The following PRKCB variants were observed in gnomAD, a reference collection of about 807,000 sequenced individuals.
PRKCB encodes protein kinase C beta type.
PRKCB carries 13 observed loss-of-function variants against 81.5 expected under a neutral mutation model. The observed-to-expected ratio is 0.16, with a 90% CI of 0.10 to 0.25. The LOEUF is 0.25. PRKCB is among the 10% of genes least tolerant of loss of function. The probability of loss-of-function intolerance (pLI) is 1.00; values close to 1 mark genes in which losing one functional copy is unlikely to be tolerated. For synonymous variants in PRKCB, 335 were observed against 321.4 expected (o/e 1.04, Z -0.45); for missense variants, 509 against 875.7 (o/e 0.58, Z 5.29).
intron 16 of PRKCB, among the ~76,000 whole-genome samples, chr16:24,207,440 G>A (rs1186232105): frequency 1.3e-5 from 2 of 152,036 alleles, no homozygotes; most frequent in South Asian, 2.1e-4. Context: ...GTAATTCTTC[G>A]AATCTCCATA....
At chr16:24,184,980 A>G (rs1324834528) in intron 13 of PRKCB, 131 bp from the exon 14 acceptor site, 1 of 779,786 alleles carries the variant, frequency 1.3e-6, no homozygotes, top group Non-Finnish European at 2.2e-6. Flanking sequence ...CATGTCTGTC[A>G]TTCCCTGAAT....
In PRKCB at chr16:23,847,430, G is replaced by A. The variant is rs62030646; in HGVS notation, c.205+10024G>A. Among the ~76,000 whole-genome samples the A allele has an allele frequency of 1.8e-4, 23 of 128,946 alleles. No homozygotes were observed. The South Asian group carries it at 3.0e-3, about 17-fold the overall frequency. 84.6% of individuals were successfully genotyped at this position (128,946 alleles called of 152,430 possible). The stretch of plus-strand genomic sequence containing the variant: ...CACCTATCCACCAATACATCCATCC[G>A]TCTGTCCATCCATCCATCCATCCAT... On this transcript the variant is annotated intron_variant, in intron 2 of 16. Coordinates refer to ENST00000643927, the MANE Select transcript of PRKCB (RefSeq NM_002738.7).
Position 24,214,983 on chromosome 16 carries a change from C to G in PRKCB, c.*167C>G, listed in dbSNP as rs915391186. On this transcript the variant is annotated 3_prime_UTR_variant, in exon 17 of 17. Transcript: ENST00000643927. The stretch of plus-strand genomic sequence containing the variant: ...AATGTCCTCAGGTAGTTTGGAGCAT[C>G]TCTATGAGATGGGATTATGCAGATG... 1.7e-5 allele frequency: 24 copies of G among 1,445,578 alleles called. No homozygotes were observed. The highest frequency in any genetic ancestry group is 2.2e-5 in the Non-Finnish European group (24 of 1,104,260). The allele number at this position is 1,445,578 out of a possible 1,614,324, so 89.5% of individuals were successfully genotyped here.
At chr16:24,145,408 T>C (rs907889413) in intron 9 of PRKCB, among the ~76,000 whole-genome samples, 1 of 152,016 alleles carries the variant, frequency 6.6e-6, no homozygotes, top group African/African-American at 2.4e-5. Flanking sequence ...TGAGACCTAA[T>C]GTCTACCAAA....
chr16:23,849,255 G>A (rs1962430488), intron 2 of PRKCB, among the ~76,000 whole-genome samples: 1 of 152,180 alleles, frequency 6.6e-6, no homozygotes, highest in Admixed American at 6.5e-5. Context: ...TCTAAATTTG[G>A]GTTCCCTTCA....
chr16:24,174,207 G>A, intron 11 of PRKCB: 2 of 255,532 alleles, frequency 7.8e-6, no homozygotes, highest in Non-Finnish European at 1.5e-5. Context: ...TAGAGACAAG[G>A]TCTCACTATG....
chr16:24,053,407 T>C (rs567047169), intron 5 of PRKCB, among the ~76,000 whole-genome samples: 42 of 152,332 alleles, frequency 2.8e-4, no homozygotes, highest in Admixed American at 6.5e-4. Flanking sequence ...AGTGTGCCAA[T>C]GAATGGGCAC....
chr16:23,999,920 C>T (rs776783049), intron 3 of PRKCB, among the ~76,000 whole-genome samples: 7 of 152,072 alleles, frequency 4.6e-5, no homozygotes, highest in East Asian at 1.9e-4. Context: ...ACATGACTGA[C>T]GACGAGCAGG....
intron 5 of PRKCB, among the ~76,000 whole-genome samples, chr16:24,052,959 C>T (rs973590415): frequency 2.0e-5 from 3 of 152,208 alleles, no homozygotes; most frequent in African/African-American, 7.2e-5. Context: ...ACATCTCTGA[C>T]ACTCTGAGAA....
intron 2 of PRKCB, among the ~76,000 whole-genome samples, chr16:23,951,998 G>A (rs1964290777): frequency 6.6e-6 from 1 of 152,122 alleles, no homozygotes; most frequent in South Asian, 2.1e-4. Flanking sequence ...TTGAGGGCAG[G>A]GGCTGTACTT....
At position 24,220,338 on chromosome 16, in the gene PRKCB, T is replaced by C. The variant is rs1968303805; in HGVS notation, c.*5522T>C. Reference sequence around the variant, plus strand: ...TTATCCAATTATAGAGGTACAATTTTCCAAACTTCCAGAAACTCATCAAAT... The same window carrying C: ...TTATCCAATTATAGAGGTACAATTTCCCAAACTTCCAGAAACTCATCAAAT... On this transcript the variant is annotated 3_prime_UTR_variant, in exon 17 of 17. Transcript: ENST00000643927. 2.3e-6 allele frequency: 1 copy of C among 431,690 alleles called. No homozygotes were observed. Among genetic ancestry groups the C allele is most frequent in the Non-Finnish European group, 4.0e-6 (1 of 252,312 alleles). 26.7% of individuals were successfully genotyped at this position (431,690 alleles called of 1,614,324 possible).
intron 2 of PRKCB, among the ~76,000 whole-genome samples, chr16:23,876,550 G>T (rs559093021): frequency 4.6e-4 from 69 of 150,878 alleles, no homozygotes; most frequent in Non-Finnish European, 7.8e-4. Flanking sequence ...TGGTTCTTTT[G>T]TCTGCAGAAG....
chr16:24,170,468 CG>C (rs1267526835), intron 10 of PRKCB, among the ~76,000 whole-genome samples: 1 of 151,918 alleles, frequency 6.6e-6, no homozygotes, highest in African/African-American at 2.4e-5. Context: ...TTCCCAAATT[CG>C]TTAGCGCAGA....
chr16:23,888,791 G>A (rs145848662), intron 2 of PRKCB, among the ~76,000 whole-genome samples: 11 of 152,142 alleles, frequency 7.2e-5, no homozygotes, highest in African/African-American at 2.7e-4. Context: ...CTGGGTAACA[G>A]GCTTGAAGTT....
chr16:23,940,440 G>A (rs1964127243), intron 2 of PRKCB, among the ~76,000 whole-genome samples: 1 of 151,910 alleles, frequency 6.6e-6, no homozygotes, highest in Non-Finnish European at 1.5e-5. Flanking sequence ...GAAACCTAAG[G>A]TGAACTGGAG....
At chr16:24,065,130 A>G (rs917970614) in intron 5 of PRKCB, among the ~76,000 whole-genome samples, 9 of 150,034 alleles carry the variant, frequency 6.0e-5, no homozygotes, top group African/African-American at 2.2e-4. Context: ...TGTGTCTTTT[A>G]TAAGCACAAT....
At chr16:24,128,424 G>A (rs1966848316) in intron 9 of PRKCB, among the ~76,000 whole-genome samples, 1 of 152,200 alleles carries the variant, frequency 6.6e-6, no homozygotes, top group South Asian at 2.1e-4. Flanking sequence ...GGGCAACTAG[G>A]GAATGGCACA....
chr16:24,108,882 G>A (rs1219801776), intron 7 of PRKCB, among the ~76,000 whole-genome samples: 17 of 151,812 alleles, frequency 1.1e-4, no homozygotes, highest in Non-Finnish European at 1.8e-4. Context: ...CCTCCCAGAC[G>A]GGGTGGTGGC....
rs1182441437 is a variant in PRKCB at position 23,912,556 on chromosome 16, A to G, written c.205+75150A>G. On this transcript the variant is annotated intron_variant, in intron 2 of 16. Transcript: ENST00000643927. ...GAGACAGAGTCTCTCTCTGTTGCCC[A>G]GGCTGGAGTGCAGTGGCGTGATCTA... Among the ~76,000 whole-genome samples, 9 of 104,608 alleles carry G rather than the reference A, an allele frequency of 8.6e-5. No homozygotes were observed. In the East Asian group the frequency reaches 2.6e-3, roughly 30 times the overall value. The allele number at this position is 104,608 out of a possible 152,430, so 68.6% of individuals were successfully genotyped here.
Sources: allele counts gnomAD v4.1 joint callset (sites outside exome capture counted in the v4.1 genomes callset), GRCh38; gene constraint gnomAD v4.1.1; transcripts MANE v1.5; gene names NCBI Gene and HGNC (gene_info 2026-07-23, HGNC 2026-07-21).